The following BACH2 variants were observed in gnomAD, a reference collection of about 807,000 sequenced individuals.
The protein encoded by BACH2 is BACH transcriptional regulator 2, also known as transcription regulator protein BACH2.
Under a neutral mutation model 61.8 loss-of-function variants are expected in BACH2, and 5 were observed. The observed-to-expected ratio is 0.08, with a 90% CI of 0.04 to 0.17. The LOEUF (loss-of-function observed/expected upper bound fraction) is 0.17. Among genes scored for constraint, BACH2 ranks in the 10% least tolerant of loss-of-function variants. The probability of loss-of-function intolerance (pLI) is 1.00; values close to 1 mark genes in which losing one functional copy is unlikely to be tolerated. For synonymous variants in BACH2, 446 were observed against 440.1 expected (o/e 1.01, Z -0.17); for missense variants, 824 against 1,091.1 (o/e 0.76, Z 3.45).
chr6:89,991,791 G>A (rs911334378), intron 6 of BACH2, among the ~76,000 whole-genome samples: 8 of 151,672 alleles, frequency 5.3e-5, no homozygotes, highest in Non-Finnish European at 1.2e-4. Context: ...TTAATCTAGG[G>A]CAATCCCCCC....
chr6:90,289,685 C>CA (rs1772123682), intron 1 of BACH2, among the ~76,000 whole-genome samples: 3 of 151,982 alleles, frequency 2.0e-5, no homozygotes, highest in Admixed American at 6.5e-5. Context: ...CAAACAAAAA[C>CA]AAAAACAAAA....
intron 2 of BACH2, among the ~76,000 whole-genome samples, chr6:90,258,670 A>T (rs1049143968): frequency 9.2e-5 from 14 of 152,326 alleles, no homozygotes; most frequent in African/African-American, 3.4e-4. Flanking sequence ...GGACATTTCA[A>T]CAATATTAAT....
intron 4 of BACH2, among the ~76,000 whole-genome samples, chr6:90,140,183 C>T (rs59944793): frequency 0.054 from 8,253 of 152,234 alleles, 234 homozygotes; most frequent in Middle Eastern, 0.092. Context: ...AGAACTCTGA[C>T]GCACACTTCT....
chr6:90,230,448 T>G (rs979706834), intron 3 of BACH2, among the ~76,000 whole-genome samples: 5 of 152,164 alleles, frequency 3.3e-5, no homozygotes, highest in African/African-American at 1.2e-4. Context: ...ATATAGAAAA[T>G]ACTCAGTAAA....
intron 4 of BACH2, among the ~76,000 whole-genome samples, chr6:90,138,682 G>GA (rs1784364480): frequency 6.6e-6 from 1 of 151,986 alleles, no homozygotes; most frequent in South Asian, 2.1e-4. Flanking sequence ...TCCACCGAAG[G>GA]ACACATCCTA....
At chr6:89,934,229 C>T (rs557424820) in intron 8 of BACH2, among the ~76,000 whole-genome samples, 2 of 152,314 alleles carry the variant, frequency 1.3e-5, no homozygotes, top group African/African-American at 4.8e-5. Flanking sequence ...CCCTTGAGTA[C>T]TAGCCCAAGG....
intron 3 of BACH2, among the ~76,000 whole-genome samples, chr6:90,212,217 T>C (rs1769378610): frequency 7.6e-6 from 1 of 131,294 alleles, no homozygotes; most frequent in Admixed American, 8.0e-5. Context: ...GGTCATTTTA[T>C]TACAGAAAGC....
At chr6:90,216,557 G>C (rs964513561) in intron 3 of BACH2, among the ~76,000 whole-genome samples, 18 of 152,210 alleles carry the variant, frequency 1.2e-4, no homozygotes, top group African/African-American at 4.3e-4. Context: ...AATTCCAAGA[G>C]AGAGGTTGTT....
At chr6:89,990,478 A>G (rs1027110581) in intron 6 of BACH2, among the ~76,000 whole-genome samples, 1 of 151,384 alleles carries the variant, frequency 6.6e-6, no homozygotes, top group African/African-American at 2.4e-5. Context: ...CTCCTCTCCC[A>G]GACACTTTTC....
chr6:90,139,899 G>C (rs1406305522), intron 4 of BACH2, among the ~76,000 whole-genome samples: 2 of 152,136 alleles, frequency 1.3e-5, no homozygotes, highest in African/African-American at 4.8e-5. Flanking sequence ...CCAGCTAATA[G>C]ACACCCTCCC....
intron 7 of BACH2, among the ~76,000 whole-genome samples, chr6:89,942,480 ATCT>A (rs1773492108): frequency 6.6e-6 from 1 of 152,124 alleles, no homozygotes; most frequent in Admixed American, 6.6e-5. Flanking sequence ...TGGGCTTAAC[ATCT>A]TATTAACTGT....
chr6:90,011,308 CT>C (rs1208403642), intron 5 of BACH2, among the ~76,000 whole-genome samples: 4 of 152,166 alleles, frequency 2.6e-5, no homozygotes, highest in Non-Finnish European at 5.9e-5. Flanking sequence ...TAAAAATACT[CT>C]TTTCTCTCCT....
chr6:90,188,880 C>T (rs1307781205), intron 4 of BACH2, among the ~76,000 whole-genome samples: 1 of 151,870 alleles, frequency 6.6e-6, no homozygotes, highest in Non-Finnish European at 1.5e-5. Context: ...TTTGCCTCCT[C>T]TTGACCTTAA....
rs140446964 is a variant in BACH2, at chr6:90,016,512, A to C, written c.-12-7656T>G. The stretch of plus-strand genomic sequence containing the variant: ...TAATATGCTTCTTTAAGTTATCACA[A>C]TCTACCTTCCAGTGATATCATACCA... On this transcript the variant is annotated intron_variant, in intron 5 of 8. Transcript: ENST00000257749. 2.3e-3 allele frequency among the ~76,000 whole-genome samples: 351 copies of C among 152,300 alleles called. 1 individual carries two copies. Among genetic ancestry groups the C allele is most frequent in the African/African-American group, 6.9e-3 (286 of 41,562 alleles).
chr6:89,963,396 T>C (rs1305874309), intron 6 of BACH2, among the ~76,000 whole-genome samples: 1 of 152,170 alleles, frequency 6.6e-6, no homozygotes. Context: ...CAGGCTCAAG[T>C]GCTCCTCCCA....
chr6:90,070,155 T>G (rs1261583700), intron 5 of BACH2, among the ~76,000 whole-genome samples: 1 of 152,158 alleles, frequency 6.6e-6, no homozygotes, highest in Non-Finnish European at 1.5e-5. Context: ...AGGTTGTTGG[T>G]CAAGGAGCAG....
At chr6:90,037,763 A>C (rs555351892) in intron 5 of BACH2, among the ~76,000 whole-genome samples, 2 of 152,218 alleles carry the variant, frequency 1.3e-5, no homozygotes, top group South Asian at 2.1e-4. Flanking sequence ...TTTGGAAATA[A>C]TATCATTGCA....
intron 8 of BACH2, among the ~76,000 whole-genome samples, chr6:89,933,631 C>A (rs1173023484): frequency 6.6e-6 from 1 of 151,918 alleles, no homozygotes; most frequent in East Asian, 1.9e-4. Context: ...GGGAACAGGA[C>A]CATATGGAAA....
intron 4 of BACH2, among the ~76,000 whole-genome samples, chr6:90,141,171 T>C (rs1329331883): frequency 6.6e-6 from 1 of 150,438 alleles, no homozygotes; most frequent in African/African-American, 2.4e-5. Flanking sequence ...GCGTGATACA[T>C]TTTTTTTTCC....
Sources: allele counts gnomAD v4.1 joint callset (sites outside exome capture counted in the v4.1 genomes callset), GRCh38; gene constraint gnomAD v4.1.1; transcripts MANE v1.5; gene names NCBI Gene and HGNC (gene_info 2026-07-23, HGNC 2026-07-21).